MYCBP2: variants seen among roughly 807,000 people sequenced by gnomAD.
MYCBP2 encodes the protein E3 ubiquitin-protein ligase MYCBP2.
MYCBP2 carries 120 observed loss-of-function variants against 525.3 expected under a neutral mutation model. The observed-to-expected ratio is 0.23, with a 90% CI of 0.20 to 0.27. The LOEUF (loss-of-function observed/expected upper bound fraction) is 0.27, where lower values mean the gene tolerates loss of function less well. Ranked by LOEUF, MYCBP2 falls within the 10% of genes least tolerant of loss-of-function variation. The pLI, the probability that MYCBP2 is intolerant of heterozygous loss-of-function variation, is 1.00. For synonymous variants in MYCBP2, 1,894 were observed against 1,955.8 expected, an observed-to-expected ratio of 0.97 and a Z score of 0.83; for missense variants, 4,149 against 5,657.1, an observed-to-expected ratio of 0.73 and a Z score of 8.55.
chr13:77,148,184 T>C (rs1400477375), intron 47 of MYCBP2, among the ~76,000 whole-genome samples: 1 of 151,904 alleles, frequency 6.6e-6, no homozygotes, highest in Non-Finnish European at 1.5e-5. Flanking sequence ...ATGTGTAAGA[T>C]GGATTTTTTA....
intron 21 of MYCBP2, 74 bp from the exon 22 acceptor site, chr13:77,212,234 G>A: frequency 7.5e-7 from 1 of 1,331,924 alleles, no homozygotes; most frequent in East Asian, 2.4e-5. Flanking sequence ...TAAGGAGGCA[G>A]TAGATAAAAA....
intron 55 of MYCBP2, chr13:77,118,254 A>C: frequency 1.6e-6 from 1 of 614,386 alleles, no homozygotes; most frequent in Non-Finnish European, 2.9e-6. Context: ...CAGTCAGGTG[A>C]GTTGATAACT....
chr13:77,082,010 T>C lies in MYCBP2; in HGVS notation c.11037-17A>G, dbSNP rs2043377309. 1 of 1,609,972 alleles carries C rather than the reference T, an allele frequency of 6.2e-7. No individual in the cohort carries two copies. The highest frequency in any genetic ancestry group is 1.3e-5 in the African/African-American group (1 of 74,802). On this transcript the variant is annotated splice_polypyrimidine_tract_variant and intron_variant, in intron 63 of 82. Transcript: ENST00000544440. ...CTCCAGCACCTAAAAAGGCGATATA[T>C]AAGCAATATACGAAATAATTATTTT...
chr13:77,172,507 T>C (rs116734648), intron 37 of MYCBP2, among the ~76,000 whole-genome samples: 2,046 of 152,280 alleles, frequency 0.013, 44 homozygotes, highest in African/African-American at 0.047. Flanking sequence ...AGAGAACTGA[T>C]TGTAGGAGAC....
chr13:77,157,211 G>A (rs2057315929), intron 45 of MYCBP2, among the ~76,000 whole-genome samples: 1 of 152,226 alleles, frequency 6.6e-6, no homozygotes, highest in South Asian at 2.1e-4. Context: ...CCAAGAAGCT[G>A]GGACTACAGG....
rs2058928628 is a variant in MYCBP2 at position 77,169,549 on chromosome 13, C to A, written c.5895+65G>T. On this transcript the variant is annotated intron_variant, in intron 39 of 82. Transcript: ENST00000544440. ...TGCAAGTTTTTGTAAAGACAAGACA[C>A]AAAGTCTTTTTTTAAAAAAGATATT... is the stretch of plus-strand genomic sequence containing the variant. The A allele has an allele frequency of 3.5e-6, 5 of 1,410,802 alleles. No homozygotes were observed. In the Admixed American group the frequency reaches 7.0e-5, roughly 20 times the overall value. The allele number at this position is 1,410,802 out of a possible 1,614,324, so 87.4% of individuals were successfully genotyped here. A position where few individuals can be genotyped will look rare whatever the true frequency, so the allele number is the denominator to read the frequency against.
chr13:77,292,554 A>G (rs1051229325), intron 2 of MYCBP2, among the ~76,000 whole-genome samples: 2 of 152,116 alleles, frequency 1.3e-5, no homozygotes, highest in African/African-American at 4.8e-5. Context: ...CACTCACAAT[A>G]TGATCACATT....
At chr13:77,061,913 C>A in intron 74 of MYCBP2, 123 bp from the exon 75 acceptor site, 1 of 1,023,040 alleles carries the variant, frequency 9.8e-7, no homozygotes, top group Non-Finnish European at 1.3e-6. Flanking sequence ...AATTTAGAAT[C>A]TGAATATTAA....
intron 68 of MYCBP2, among the ~76,000 whole-genome samples, chr13:77,072,089 C>A (rs964471882): frequency 6.6e-6 from 1 of 151,670 alleles, no homozygotes; most frequent in East Asian, 1.9e-4. Context: ...GAGATCGAGA[C>A]CATCCTGGCT....
At chr13:77,124,475 C>T (rs2051306139) in intron 54 of MYCBP2, among the ~76,000 whole-genome samples, 1 of 152,106 alleles carries the variant, frequency 6.6e-6, no homozygotes, top group Non-Finnish European at 1.5e-5. Flanking sequence ...CAGACAAGTC[C>T]ATGTTTGCTT....
chr13:77,187,046 G>A (rs1250421352), intron 30 of MYCBP2, among the ~76,000 whole-genome samples: 2 of 152,202 alleles, frequency 1.3e-5, no homozygotes, highest in Non-Finnish European at 2.9e-5. Flanking sequence ...CTGAGCTCAA[G>A]CAATCCTCCT....
At chr13:77,227,674 A>G (rs1236485130) in intron 18 of MYCBP2, among the ~76,000 whole-genome samples, 1 of 152,228 alleles carries the variant, frequency 6.6e-6, no homozygotes, top group Non-Finnish European at 1.5e-5. Context: ...ACTTAATTAA[A>G]CATTTCAAGT....
intron 2 of MYCBP2, 40 bp downstream of exon 2, chr13:77,296,559 T>A (rs1031525580): frequency 6.5e-7 from 1 of 1,535,742 alleles, no homozygotes; most frequent in African/African-American, 1.4e-5. Flanking sequence ...AATCACCATA[T>A]GAAAAAGTCC....
intron 8 of MYCBP2, among the ~76,000 whole-genome samples, chr13:77,267,399 AAAATAAAATAAAATTAAATTAAATT>A (rs1459139714): frequency 2.0e-5 from 3 of 150,302 alleles, no homozygotes; most frequent in Non-Finnish European, 4.4e-5. Flanking sequence ...AACATAAAAT[AAAATAAAATAAAATTAAATTAAATT>A]AAATAAAATT....
At chr13:77,200,727 G>A (rs1317842052) in intron 26 of MYCBP2, among the ~76,000 whole-genome samples, 1 of 152,090 alleles carries the variant, frequency 6.6e-6, no homozygotes, top group Non-Finnish European at 1.5e-5. Flanking sequence ...AAGAGAGTGG[G>A]GGCCAATATT....
intron 4 of MYCBP2, among the ~76,000 whole-genome samples, chr13:77,275,543 G>C (rs7328012): frequency 0.22 from 32,987 of 152,120 alleles, 3,927 homozygotes; most frequent in South Asian, 0.41. Context: ...CTCAGAAGGA[G>C]CTGGGTGCAG....
At chr13:77,113,278 G>A (rs889530019) in intron 55 of MYCBP2, among the ~76,000 whole-genome samples, 10 of 152,140 alleles carry the variant, frequency 6.6e-5, no homozygotes, top group African/African-American at 2.2e-4. Context: ...AGCTGAGCCA[G>A]AAGCTTTCCT....
At chr13:77,295,614 G>A (rs2078102806) in intron 2 of MYCBP2, among the ~76,000 whole-genome samples, 1 of 152,144 alleles carries the variant, frequency 6.6e-6, no homozygotes, top group Non-Finnish European at 1.5e-5. Flanking sequence ...TTGCTATACA[G>A]GCCCAGCAAA....
At chr13:77,061,596 C>T in intron 75 of MYCBP2, 66 bp downstream of exon 75, 4 of 1,558,506 alleles carry the variant, frequency 2.6e-6, no homozygotes, top group Non-Finnish European at 2.6e-6. Context: ...TACACAAAGC[C>T]TCTTTCACAC....
Sources: gnomAD v4.1 joint callset for allele counts (sites outside exome capture counted in the v4.1 genomes callset) on GRCh38, gnomAD v4.1.1 for gene constraint, MANE v1.5 for transcripts, NCBI Gene and HGNC (gene_info 2026-07-23, HGNC 2026-07-21) for gene names.